The following RBFOX1 variants were observed in gnomAD, a reference collection of about 807,000 sequenced individuals.
RBFOX1 encodes the protein RNA binding fox-1 homolog 1, also known as RNA binding protein fox-1 homolog 1.
Under a neutral mutation model 57.7 loss-of-function variants are expected in RBFOX1, and 8 were observed. The observed-to-expected ratio is 0.14, with a 90% CI of 0.08 to 0.25. The LOEUF is 0.25. RBFOX1 is among the 10% of genes least tolerant of loss of function. RBFOX1 has a pLI of 1.00. For synonymous variants in RBFOX1, 326 were observed against 222.4 expected (o/e 1.47, Z -4.15); for missense variants, 611 against 548.5 (o/e 1.11, Z -1.14).
intron 2 of RBFOX1, among the ~76,000 whole-genome samples, chr16:6,505,635 C>G (rs753044954): frequency 2.0e-5 from 3 of 152,130 alleles, no homozygotes; most frequent in Non-Finnish European, 2.9e-5. Flanking sequence ...ATTTAATCCT[C>G]AAGAACTCTA....
intron 3 of RBFOX1, among the ~76,000 whole-genome samples, chr16:6,940,846 C>CTAGTGTG: frequency 1.4e-5 from 1 of 73,068 alleles, no homozygotes; most frequent in East Asian, 4.7e-4. Flanking sequence ...CCATGTCCGG[C>CTAGTGTG]TAGTCTGTGT....
At chr16:6,237,516 G>C (rs1444434679) in intron 1 of RBFOX1, among the ~76,000 whole-genome samples, 1 of 152,082 alleles carries the variant, frequency 6.6e-6, no homozygotes, top group East Asian at 1.9e-4. Context: ...GGCCAACACA[G>C]GTGGATTACG....
chr16:5,608,378 G>T (rs896882470), intron 3 of RBFOX1, among the ~76,000 whole-genome samples: 1 of 152,122 alleles, frequency 6.6e-6, no homozygotes, highest in Admixed American at 6.5e-5. Flanking sequence ...AGGTGTGAGG[G>T]TCCACACGTG....
intron 1 of RBFOX1, among the ~76,000 whole-genome samples, chr16:5,401,160 T>C (rs1461592219): frequency 1.3e-5 from 2 of 152,212 alleles, no homozygotes; most frequent in Non-Finnish European, 2.9e-5. Flanking sequence ...TATCTTAATA[T>C]TGGCTAAAGG....
chr16:5,607,954 T>C (rs534873722), intron 3 of RBFOX1, among the ~76,000 whole-genome samples: 1 of 152,334 alleles, frequency 6.6e-6, no homozygotes, highest in Admixed American at 6.5e-5. Context: ...GGGTTGTTTG[T>C]AGTTTGGGGC....
chr16:7,440,171 C>T (rs2098755431), intron 4 of RBFOX1, among the ~76,000 whole-genome samples: 1 of 152,014 alleles, frequency 6.6e-6, no homozygotes, highest in African/African-American at 2.4e-5. Context: ...GCTAGGATTA[C>T]AGATGTGAGA....
intron 4 of RBFOX1, among the ~76,000 whole-genome samples, chr16:7,200,147 A>C (rs1050987570): frequency 6.6e-6 from 1 of 152,234 alleles, no homozygotes; most frequent in African/African-American, 2.4e-5. Context: ...GTTCTGGGCT[A>C]CAAATTGGGC....
intron 1 of RBFOX1, among the ~76,000 whole-genome samples, chr16:6,123,685 A>G (rs967877461): frequency 5.3e-5 from 8 of 152,316 alleles, no homozygotes; most frequent in African/African-American, 1.9e-4. Context: ...TGGGTGGATC[A>G]TTTCAGCTCA....
At chr16:7,365,034 G>C (rs573470549) in intron 4 of RBFOX1, among the ~76,000 whole-genome samples, 1 of 152,058 alleles carries the variant, frequency 6.6e-6, no homozygotes, top group Non-Finnish European at 1.5e-5. Flanking sequence ...CCGTCCGTCC[G>C]TCTGTCCGTC....
chr16:6,960,415 C>G (rs1242934054), intron 3 of RBFOX1, among the ~76,000 whole-genome samples: 1 of 152,164 alleles, frequency 6.6e-6, no homozygotes, highest in East Asian at 1.9e-4. Context: ...TTTCCCAGGC[C>G]TTCTCCCTGT....
At chr16:6,976,387 C>T (rs2086857141) in intron 3 of RBFOX1, among the ~76,000 whole-genome samples, 1 of 152,066 alleles carries the variant, frequency 6.6e-6, no homozygotes, top group Admixed American at 6.6e-5. Context: ...AAGCAAATAT[C>T]ATTTTCAGAA....
intron 4 of RBFOX1, among the ~76,000 whole-genome samples, chr16:5,896,063 A>G (rs1673882875): frequency 6.6e-6 from 1 of 152,034 alleles, no homozygotes; most frequent in Non-Finnish European, 1.5e-5. Context: ...GATTTTCCTT[A>G]GGAGATTTAT....
At chr16:6,349,168 G>C (rs1378086524) in intron 2 of RBFOX1, among the ~76,000 whole-genome samples, 1 of 152,112 alleles carries the variant, frequency 6.6e-6, no homozygotes. Context: ...CTTATTTTGA[G>C]CTGAATTTTA....
intron 4 of RBFOX1, among the ~76,000 whole-genome samples, chr16:7,268,693 G>C (rs2095240351): frequency 6.6e-6 from 1 of 152,070 alleles, no homozygotes; most frequent in Non-Finnish European, 1.5e-5. Flanking sequence ...TTGGAAATTA[G>C]TACTAGAGCC....
At chr16:6,071,717 C>G (rs573096648) in intron 1 of RBFOX1, among the ~76,000 whole-genome samples, 1 of 152,164 alleles carries the variant, frequency 6.6e-6, no homozygotes, top group Admixed American at 6.5e-5. Flanking sequence ...AGTGTAACTT[C>G]AAGCTAATTG....
intron 4 of RBFOX1, among the ~76,000 whole-genome samples, chr16:7,159,492 G>C (rs1471191864): frequency 6.6e-6 from 1 of 152,212 alleles, no homozygotes; most frequent in Non-Finnish European, 1.5e-5. Context: ...AAGGGGACTA[G>C]TGATAGGCTG....
rs562774848 is a variant in RBFOX1, at chr16:6,545,059, A to C, written c.-63-109544A>C. 9.8e-5 allele frequency among the ~76,000 whole-genome samples: 15 copies of C among 152,310 alleles called. No individual in the cohort carries two copies. The South Asian group carries it at 2.5e-3, about 25-fold the overall frequency. ...GGCAGAAGGCATTCCAATAGGACTGAGTTGAATTAAATTGGGAGATAAAAG... is the reference window on the plus strand; with the variant it reads ...GGCAGAAGGCATTCCAATAGGACTGCGTTGAATTAAATTGGGAGATAAAAG... On this transcript the variant is annotated intron_variant, in intron 2 of 15. Coordinates refer to ENST00000550418, the MANE Select transcript of RBFOX1 (RefSeq NM_018723.4).
At chr16:6,721,866 C>G (rs1401276597) in intron 3 of RBFOX1, 3 of 151,116 alleles carry the variant, frequency 2.0e-5, no homozygotes, top group South Asian at 2.1e-4. Flanking sequence ...TAAGCACCCC[C>G]CACCAGCCCA....
chr16:5,666,795 G>C (rs762315944), intron 3 of RBFOX1, among the ~76,000 whole-genome samples: 1 of 152,214 alleles, frequency 6.6e-6, no homozygotes, highest in Non-Finnish European at 1.5e-5. Context: ...GAAGACATCA[G>C]GGTAGTAGAG....
Sources: gnomAD v4.1 joint callset for allele counts (sites outside exome capture counted in the v4.1 genomes callset) on GRCh38, gnomAD v4.1.1 for gene constraint, MANE v1.5 for transcripts, NCBI Gene and HGNC (gene_info 2026-07-23, HGNC 2026-07-21) for gene names.